The following NRXN3 variants were observed in gnomAD, a reference collection of about 807,000 sequenced individuals.
NRXN3 encodes the protein neurexin III.
In NRXN3, 32 loss-of-function variants were observed where a neutral mutation model predicts 137.6. That is an observed-to-expected ratio of 0.23 (90% CI 0.18 to 0.31). The LOEUF is 0.31. Among genes scored for constraint, NRXN3 ranks in the 10% least tolerant of loss-of-function variants. The probability of loss-of-function intolerance (pLI) is 1.00; values close to 1 mark genes in which losing one functional copy is unlikely to be tolerated. For synonymous variants in NRXN3, 798 were observed against 784.5 expected, an observed-to-expected ratio of 1.02 and a Z score of -0.29; for missense variants, 1,574 against 2,062.5, an observed-to-expected ratio of 0.76 and a Z score of 4.59.
intron 10 of NRXN3, among the ~76,000 whole-genome samples, chr14:78,886,318 C>A (rs1156531463): frequency 6.6e-6 from 1 of 151,992 alleles, no homozygotes; most frequent in African/African-American, 2.4e-5. Flanking sequence ...AGTATGTGTT[C>A]ATTTGTCTCA....
At chr14:79,670,071 T>C (rs981300650) in intron 17 of NRXN3, among the ~76,000 whole-genome samples, 1 of 152,046 alleles carries the variant, frequency 6.6e-6, no homozygotes, top group Non-Finnish European at 1.5e-5. Flanking sequence ...TTTTATTATG[T>C]ACTTATGTCC....
At chr14:78,997,067 T>C (rs1447641978) in intron 15 of NRXN3, among the ~76,000 whole-genome samples, 1 of 152,110 alleles carries the variant, frequency 6.6e-6, no homozygotes, top group Non-Finnish European at 1.5e-5. Flanking sequence ...CTAATATTAA[T>C]ATGTGTGCAA....
At chr14:78,417,252 C>A (rs907567044) in intron 4 of NRXN3, among the ~76,000 whole-genome samples, 19 of 152,198 alleles carry the variant, frequency 1.2e-4, no homozygotes, top group African/African-American at 4.1e-4. Context: ...CCATTTTGAA[C>A]TTTCCATGCT....
intron 4 of NRXN3, among the ~76,000 whole-genome samples, chr14:78,496,100 T>A (rs2095779474): frequency 6.6e-6 from 1 of 152,224 alleles, no homozygotes; most frequent in Admixed American, 6.5e-5. Context: ...TTTCCATTAA[T>A]GACCTGGATA....
intron 4 of NRXN3, among the ~76,000 whole-genome samples, chr14:78,299,382 A>G (rs2076655950): frequency 6.6e-6 from 1 of 152,234 alleles, no homozygotes; most frequent in African/African-American, 2.4e-5. Context: ...ACCGAGCTCT[A>G]TGAATTGCTG....
rs534548231 is a variant in NRXN3, at chr14:78,315,030, G to T, written c.757+17170G>T. On this transcript the variant is annotated intron_variant, in intron 4 of 20. Transcript: ENST00000335750. ...CTTTCTTTTCTTTTTATTTTTTTTT[G>T]AGACAGGGTCTTGCTCTGTCACCCA... 3.0e-3 allele frequency among the ~76,000 whole-genome samples: 363 copies of T among 122,618 alleles called. 2 individuals carry two copies. Among genetic ancestry groups the T allele is most frequent in the African/African-American group, 0.011 (348 of 32,512 alleles). 80.4% of individuals were successfully genotyped at this position (122,618 alleles called of 152,430 possible).
intron 3 of NRXN3, among the ~76,000 whole-genome samples, chr14:78,294,371 A>G (rs918665418): frequency 2.0e-5 from 3 of 152,110 alleles, no homozygotes; most frequent in African/African-American, 4.8e-5. Context: ...CCTGGCTAAC[A>G]TGGCAAAACC....
chr14:79,084,702 G>T (rs1421883036), intron 15 of NRXN3, among the ~76,000 whole-genome samples: 1 of 151,948 alleles, frequency 6.6e-6, no homozygotes, highest in Admixed American at 6.6e-5. Flanking sequence ...TGGTGACTTT[G>T]GTTGGTTCTT....
chr14:78,418,772 T>A (rs1270070718), intron 4 of NRXN3, among the ~76,000 whole-genome samples: 2 of 152,258 alleles, frequency 1.3e-5, no homozygotes, highest in Non-Finnish European at 2.9e-5. Flanking sequence ...GTGTTCAACA[T>A]GCCAGGCACC....
chr14:78,203,768 A>G (rs2061895899), intron 1 of NRXN3, among the ~76,000 whole-genome samples: 1 of 151,368 alleles, frequency 6.6e-6, no homozygotes, highest in African/African-American at 2.4e-5. Flanking sequence ...TTCCTACCAC[A>G]TACCATTGTT....
At chr14:79,378,266 C>T (rs1188711445) in intron 15 of NRXN3, among the ~76,000 whole-genome samples, 1 of 152,160 alleles carries the variant, frequency 6.6e-6, no homozygotes, top group African/African-American at 2.4e-5. Context: ...GACTCTGGCA[C>T]ACAGACCACA....
intron 10 of NRXN3, among the ~76,000 whole-genome samples, chr14:78,817,410 A>T (rs1311390173): frequency 1.3e-5 from 2 of 152,250 alleles, no homozygotes; most frequent in Non-Finnish European, 2.9e-5. Context: ...GAAGCAGAGG[A>T]AACAGCAAAA....
At chr14:79,622,321 C>T (rs2098232991) in intron 16 of NRXN3, among the ~76,000 whole-genome samples, 1 of 152,104 alleles carries the variant, frequency 6.6e-6, no homozygotes, top group Non-Finnish European at 1.5e-5. Context: ...GCAAGTAAAA[C>T]CTGAAGAATC....
At chr14:78,525,096 A>T (rs2096357717) in intron 4 of NRXN3, among the ~76,000 whole-genome samples, 1 of 152,226 alleles carries the variant, frequency 6.6e-6, no homozygotes, top group Admixed American at 6.5e-5. Flanking sequence ...TTACATGGAA[A>T]ATTCAACCTT....
chr14:79,489,955 C>CG (rs1462277986), intron 16 of NRXN3, among the ~76,000 whole-genome samples: 1 of 144,652 alleles, frequency 6.9e-6, no homozygotes, highest in African/African-American at 2.6e-5. Flanking sequence ...AGGAGAATGG[C>CG]GTGAACCTGG....
intron 19 of NRXN3, among the ~76,000 whole-genome samples, chr14:79,766,040 A>G (rs1346605835): frequency 1.3e-5 from 2 of 152,192 alleles, no homozygotes; most frequent in Non-Finnish European, 1.5e-5. Flanking sequence ...AACATATAGC[A>G]TACCTGTATT....
chr14:78,295,856 A>G (rs980395370), intron 3 of NRXN3, among the ~76,000 whole-genome samples: 5 of 152,108 alleles, frequency 3.3e-5, no homozygotes, highest in Admixed American at 1.3e-4. Context: ...TGTCCTGTTC[A>G]CTATTTAGTA....
chr14:79,084,791 C>A (rs201125991), intron 15 of NRXN3, among the ~76,000 whole-genome samples: 2 of 152,024 alleles, frequency 1.3e-5, no homozygotes, highest in East Asian at 3.9e-4. Flanking sequence ...TAGGTGACAC[C>A]AGTTGCTTCA....
At chr14:79,491,719 A>T (rs73341406) in intron 16 of NRXN3, among the ~76,000 whole-genome samples, 3,257 of 152,244 alleles carry the variant, frequency 0.021, 155 homozygotes, top group East Asian at 0.17. Context: ...CCAAATGCCA[A>T]TGAGCATGAT....
Sources: allele counts gnomAD v4.1 joint callset (sites outside exome capture counted in the v4.1 genomes callset), GRCh38; gene constraint gnomAD v4.1.1; transcripts MANE v1.5; gene names NCBI Gene and HGNC (gene_info 2026-07-23, HGNC 2026-07-21).